PLEC: variants seen among roughly 807,000 people sequenced by gnomAD.
PLEC encodes the protein hemidesmosomal protein 1.
In PLEC, 216 loss-of-function variants were observed where a neutral mutation model predicts 392.8. The ratio of observed to expected loss-of-function variants is 0.55; its 90% CI spans 0.49 to 0.62. PLEC has a LOEUF of 0.62. PLEC is among the 20% of genes least tolerant of loss of function. The probability of loss-of-function intolerance (pLI) is 0.00; values close to 1 mark genes in which losing one functional copy is unlikely to be tolerated. For missense variants in PLEC, 6,863 were observed against 6,563.4 expected, an observed-to-expected ratio of 1.05 and a Z score of -1.58; for synonymous variants, 3,621 against 2,980.6, an observed-to-expected ratio of 1.21 and a Z score of -7.00.
Position 143,931,901 on chromosome 8 carries a change from G to A in PLEC, c.2178+36C>T, listed in dbSNP as rs1383528807. On this transcript the variant is annotated intron_variant, in intron 18 of 31. Coordinates refer to ENST00000345136, the MANE Select transcript of PLEC (RefSeq NM_201384.3). ...GTCCAGGGGCTCCTGCAAGGCTGCC[G>A]CTGAGCCACAGTGCGGAGGGGGCTC... The A allele has an allele frequency of 1.1e-5, 17 of 1,559,036 alleles. No individual in the cohort carries two copies. The Admixed American group carries it at 1.8e-4, about 16-fold the overall frequency.
intron 25 of PLEC, 104 bp downstream of exon 25, chr8:143,928,999 A>G: frequency 9.5e-7 from 1 of 1,049,842 alleles, no homozygotes; most frequent in Non-Finnish European, 1.4e-6. Flanking sequence ...ATCTCTGAAC[A>G]GCCCCCAACT....
Position 143,917,143 on chromosome 8 carries a change from C to G in PLEC, c.12678G>C (p.Thr4226=), listed in dbSNP as rs374458753. 1 of 1,604,274 alleles carries G rather than the reference C, an allele frequency of 6.2e-7. No homozygotes were observed. The highest frequency in any genetic ancestry group is 8.5e-7 in the Non-Finnish European group (1 of 1,172,576). The change falls in exon 32 of 32, where the codon ACG becomes ACC. Residue 4226 remains threonine, a synonymous_variant. Transcript: ENST00000345136. ...TGTCGGCGAACTCGGTGATGGAGAG[C>G]GTGCCGGCGCGGTACTGGTCCAGTG... ...RSALDQYRAG[T]LSITEFADML...
upstream of PLEC, among the ~76,000 whole-genome samples, chr8:143,952,278 G>A (rs879952235): frequency 5.9e-5 from 9 of 152,320 alleles, no homozygotes; most frequent in Non-Finnish European, 1.2e-4. Context: ...AAACTCCGAA[G>A]GCATAGCCAC....
intron 1 of PLEC, among the ~76,000 whole-genome samples, chr8:143,972,161 C>T (rs1428506928): frequency 1.3e-5 from 2 of 152,208 alleles, no homozygotes; most frequent in Non-Finnish European, 2.9e-5. Context: ...ACAGCTCTGT[C>T]CTGGGGCTTG....
chr8:143,925,033 C>T lies in PLEC; in HGVS notation c.4896G>A (p.Glu1632=). The T allele has an allele frequency of 1.9e-6, 3 of 1,561,808 alleles. No individual in the cohort carries two copies. Among genetic ancestry groups the T allele is most frequent in the Non-Finnish European group, 2.6e-6 (3 of 1,161,352 alleles). The change falls in exon 31 of 32, where the codon GAG becomes GAA. Residue 1632 remains glutamate, a synonymous_variant. Coordinates refer to ENST00000345136, the MANE Select transcript of PLEC (RefSeq NM_201384.3). ...RAREEAEREL[E]RWQLKANEAL... ...CCTCGTTGGCCTTGAGCTGCCAGCG[C>T]TCCAGCTCCCGCTCTGCCTCCTCGC...
upstream of PLEC, among the ~76,000 whole-genome samples, chr8:143,973,998 G>GA (rs1833569268): frequency 1.3e-5 from 2 of 152,282 alleles, no homozygotes; most frequent in Non-Finnish European, 2.9e-5. The surrounding 1 kb of genome is among the most constrained non-coding windows in gnomAD (Gnocchi z 5.6). Context: ...TTCACAGAAG[G>GA]AAAAAATGCT....
In PLEC at chr8:143,921,967, C is replaced by T. The variant is rs782412918; in HGVS notation, c.7854G>A (p.Ser2618=). ...ALAHSEEVTA[S]QVAATKTLPN... ...GCAGGGTCTTTGTGGCAGCCACCTG[C>T]GAGGCAGTGACCTCCTCTGAGTGCG... The change falls in exon 32 of 32, where the codon TCG becomes TCA. Residue 2618 remains serine, a synonymous_variant. Transcript: ENST00000345136. The T allele has an allele frequency of 1.0e-5, 16 of 1,598,820 alleles. No homozygotes were observed. The highest frequency in any genetic ancestry group is 6.7e-5 in the East Asian group (3 of 44,868).
Position 143,923,939 on chromosome 8 carries a change from T to G in PLEC, c.5990A>C (p.Glu1997Ala). 1 of 1,593,360 alleles carries G rather than the reference T, an allele frequency of 6.3e-7. No homozygotes were observed. Among genetic ancestry groups the G allele is most frequent in the Non-Finnish European group, 8.5e-7 (1 of 1,177,448 alleles). Residue 1997 changes from glutamate (E) to alanine (A), a missense_variant, in exon 31 of 32, where the codon GAG becomes GCG. Transcript: ENST00000345136. Reference protein sequence around the residue: ...EERVQKSLAAEEEAARQRKAA... With the variant: ...EERVQKSLAAAEEAARQRKAA... ...CTTCCGCTGCCGTGCGGCCTCCTCC[T>G]CGGCCGCCAGGCTCTTCTGCACGCG...
At chr8:143,935,752 T>A in intron 6 of PLEC, 96 bp downstream of exon 6, 2 of 1,371,850 alleles carry the variant, frequency 1.5e-6, no homozygotes, top group Non-Finnish European at 2.0e-6. Context: ...CTGTTCCTCC[T>A]GCCCTCCTCC....
chr8:143,938,904 G>C (rs542395165), intron 1 of PLEC, among the ~76,000 whole-genome samples: 4 of 152,140 alleles, frequency 2.6e-5, no homozygotes, highest in Admixed American at 2.0e-4. Context: ...GCGCCACCAG[G>C]TGCAGCCACC....
intron 1 of PLEC, among the ~76,000 whole-genome samples, chr8:143,971,205 G>C (rs560506059): frequency 4.6e-5 from 7 of 152,194 alleles, no homozygotes; most frequent in African/African-American, 1.7e-4. Context: ...GTCTGTGAGA[G>C]GGCACAGTGA....
chr8:143,930,412 A>G lies in PLEC; in HGVS notation c.2429T>C (p.Leu810Pro). ...AHPMRGRLPL[L>P]AVCDYKQVEV... ...CACCTGCTTATAGTCGCACACGGCC[A>G]GCAGGGGCAGGCGGCCCCGCATGGG... Residue 810 changes from leucine (L) to proline (P), a missense_variant, in exon 20 of 32, where the codon CTG (leucine) becomes CCG (proline). By Grantham distance (98) the Leu-to-Pro change is moderately conservative (BLOSUM62 -3). Transcript: ENST00000345136. The G allele has an allele frequency of 6.4e-7, 1 of 1,573,228 alleles. No individual in the cohort carries two copies. The highest frequency in any genetic ancestry group is 8.6e-7 in the Non-Finnish European group (1 of 1,161,524).
At chr8:143,950,860 C>A in exon 1 of PLEC, 2 of 1,424,938 alleles carry the variant, frequency 1.4e-6, no homozygotes, top group Non-Finnish European at 1.9e-6. Flanking sequence ...GGGTGCTGAG[C>A]GTGAGGGCGC....
rs1161435701 is a variant in PLEC at position 143,930,139 on chromosome 8, C to T, written c.2612+5G>A. 6 of 1,586,124 alleles carry T rather than the reference C, an allele frequency of 3.8e-6. No individual in the cohort carries two copies. The East Asian group carries it at 1.4e-4, about 36-fold the overall frequency. ...GCCCCCACCTGCTGAGCCCCCGCCA[C>T]CCACCTGGTGACGGCCTCCTGGGCC... On this transcript the variant is annotated splice_donor_5th_base_variant and intron_variant, in intron 21 of 31. Transcript: ENST00000345136.
At chr8:143,953,774 C>T (rs1554738202), upstream of PLEC, 1 of 1,612,174 alleles carries the variant, frequency 6.2e-7, no homozygotes, top group South Asian at 1.1e-5. Context: ...GGGTCCATGT[C>T]TGCGCCGGGG....
At chr8:143,963,809 A>G (rs529489589) in intron 1 of PLEC, among the ~76,000 whole-genome samples, 1 of 119,930 alleles carries the variant, frequency 8.3e-6, no homozygotes, top group African/African-American at 3.2e-5. Context: ...CACCTGGCTA[A>G]TTTTTTTTTT....
chr8:143,943,900 G>T (rs782322452), upstream of PLEC: 5 of 1,610,302 alleles, frequency 3.1e-6, no homozygotes, highest in South Asian at 1.1e-5. Context: ...TAGCCGCCAC[G>T]CGGAGCCGCC....
intron 26 of PLEC, 41 bp from the exon 27 acceptor site, chr8:143,927,807 C>G: frequency 6.3e-7 from 1 of 1,580,186 alleles, no homozygotes; most frequent in Non-Finnish European, 8.6e-7. Context: ...TCAGCTGGGC[C>G]CGCTGTACCC....
At chr8:143,974,391 A>G (rs576174713), upstream of PLEC, among the ~76,000 whole-genome samples, 6 of 152,358 alleles carry the variant, frequency 3.9e-5, no homozygotes, top group East Asian at 1.9e-4. This position sits in a 1 kb window ranked among gnomAD's most constrained non-coding sequence, Gnocchi z 5.9. Context: ...TTCTTTCTTT[A>G]AAGTCCGTGT....
Sources: allele counts gnomAD v4.1 joint callset (sites outside exome capture counted in the v4.1 genomes callset), GRCh38; gene constraint gnomAD v4.1.1; non-coding constraint Gnocchi (gnomAD v3.1); transcripts MANE v1.5; gene names NCBI Gene and HGNC (gene_info 2026-07-23, HGNC 2026-07-21).